CHN2: variants seen among roughly 807,000 people sequenced by gnomAD.
CHN2 encodes beta-chimaerin.
CHN2 carries 35 observed loss-of-function variants against 56.3 expected under a neutral mutation model. The ratio of observed to expected loss-of-function variants is 0.62; its 90% CI spans 0.47 to 0.82. The LOEUF is 0.82. CHN2 is among the 40% of genes least tolerant of loss of function. CHN2 has a pLI of 0.00. For missense variants in CHN2, 491 were observed against 580.5 expected (o/e 0.85, Z 1.58); for synonymous variants, 210 against 212.8 (o/e 0.99, Z 0.12).
At chr7:29,177,440 G>A (rs564801566) in intron 2 of CHN2, among the ~76,000 whole-genome samples, 6 of 152,108 alleles carry the variant, frequency 3.9e-5, no homozygotes, top group African/African-American at 1.4e-4. Context: ...TTTTAGTAGA[G>A]ATGGGGTTTC....
intron 2 of CHN2, among the ~76,000 whole-genome samples, chr7:29,158,519 AGTCTTTATGTGATAATATTGATACTT>A (rs1007030418): frequency 1.0e-3 from 38 of 36,758 alleles, no homozygotes; most frequent in Non-Finnish European, 2.2e-3. Context: ...TGTGTAGCCT[AGTCTTTATGTGATAATATTGATACTT>A]AAGTTTACCA....
At chr7:29,160,263 C>T (rs1352502988) in intron 2 of CHN2, among the ~76,000 whole-genome samples, 2 of 152,214 alleles carry the variant, frequency 1.3e-5, no homozygotes, top group Non-Finnish European at 2.9e-5. Context: ...CGGTGACAGA[C>T]ATGAGCAGTA....
At chr7:29,469,827 T>G (rs1428434786) in intron 6 of CHN2, among the ~76,000 whole-genome samples, 2 of 152,248 alleles carry the variant, frequency 1.3e-5, no homozygotes, top group East Asian at 1.9e-4. Flanking sequence ...TTAGAGTGGT[T>G]GTTCCCTGTT....
chr7:29,287,954 A>G (rs919364899), intron 1 of CHN2, among the ~76,000 whole-genome samples: 1 of 152,224 alleles, frequency 6.6e-6, no homozygotes, highest in Admixed American at 6.5e-5. Flanking sequence ...GCATGTCACA[A>G]TTATTTAAGG....
rs940302676 is a variant in CHN2, at chr7:29,394,922, A to T, written c.176+1212A>T. Among the ~76,000 whole-genome samples, 7 of 152,206 alleles carry T rather than the reference A, an allele frequency of 4.6e-5. No homozygotes were observed. The South Asian group carries it at 1.4e-3, about 31-fold the overall frequency. ...AAAACATATGAGAGTCTTGAGACTAAAGAAGTGTTTTCTTAACTACCAAAA... is the reference window on the plus strand; with the variant it reads ...AAAACATATGAGAGTCTTGAGACTATAGAAGTGTTTTCTTAACTACCAAAA... On this transcript the variant is annotated intron_variant, in intron 4 of 12. Transcript: ENST00000222792.
chr7:29,197,793 T>C (rs1412209494), intron 1 of CHN2: 1 of 383,580 alleles, frequency 2.6e-6, no homozygotes, highest in Admixed American at 3.2e-5. Flanking sequence ...GCAACCTCTA[T>C]TCCAGTTTGA....
intron 2 of CHN2, among the ~76,000 whole-genome samples, chr7:29,169,462 G>A (rs1258051597): frequency 6.6e-6 from 1 of 151,820 alleles, no homozygotes; most frequent in Non-Finnish European, 1.5e-5. Context: ...TTATATAAAT[G>A]TTTATATACA....
chr7:29,264,353 C>A (rs1220814414), intron 1 of CHN2, among the ~76,000 whole-genome samples: 1 of 152,078 alleles, frequency 6.6e-6, no homozygotes, highest in Non-Finnish European at 1.5e-5. Flanking sequence ...ATGACAATGG[C>A]GGTTTTGTGG....
At chr7:29,511,803 TAAAGTTGTG>T (rs1328823732) in intron 12 of CHN2, among the ~76,000 whole-genome samples, 1 of 150,202 alleles carries the variant, frequency 6.7e-6, no homozygotes, top group Non-Finnish European at 1.5e-5. Context: ...TTCTAAAACT[TAAAGTTGTG>T]AAAACAAAAC....
chr7:29,212,932 A>T (rs1785065332), intron 1 of CHN2: 2 of 1,610,272 alleles, frequency 1.2e-6, no homozygotes, highest in African/African-American at 2.7e-5. Flanking sequence ...CCAGACCCAG[A>T]ACATCTAGTG....
chr7:29,507,108 A>G (rs753169778), intron 10 of CHN2, 120 bp from the exon 11 acceptor site: 10 of 879,164 alleles, frequency 1.1e-5, no homozygotes, highest in Non-Finnish European at 1.5e-5. Flanking sequence ...AGAAGCCAAA[A>G]GAGTTAGCTG....
intron 1 of CHN2, among the ~76,000 whole-genome samples, chr7:29,309,713 G>C (rs1794442876): frequency 1.3e-5 from 2 of 152,202 alleles, no homozygotes; most frequent in African/African-American, 4.8e-5. Context: ...GGAGCTGATG[G>C]GAATAGGTTC....
chr7:29,448,694 TCTC>T (rs1388216576), intron 6 of CHN2, among the ~76,000 whole-genome samples: 4 of 152,216 alleles, frequency 2.6e-5, no homozygotes, highest in African/African-American at 9.7e-5. Context: ...CCTGAAATAT[TCTC>T]CTGGGCTTTT....
upstream of CHN2, chr7:29,194,464 G>A (rs1373315443): frequency 6.4e-6 from 1 of 155,664 alleles, no homozygotes; most frequent in South Asian, 2.0e-4. Context: ...GAAGGGGGAG[G>A]TCGCTCTGTC....
At position 29,442,934 on chromosome 7, in the gene CHN2, C is replaced by CTTTTTTTTTTT. The variant is rs541792526; in HGVS notation, c.577-37338_577-37328dup. On this transcript the variant is annotated intron_variant, in intron 6 of 12. Transcript: ENST00000222792. ...CATCGCTTTCAATTTCATTGAATTT[C>CTTTTTTTTTTT]TTTTTTTTTTTTTTTTTGAGACGGA... is the stretch of plus-strand genomic sequence containing the variant. Among the ~76,000 whole-genome samples, 87 of 103,052 alleles carry CTTTTTTTTTTT rather than the reference C, an allele frequency of 8.4e-4. 12 individuals carry two copies. The highest frequency in any genetic ancestry group is 3.9e-3 in the East Asian group (14 of 3,586). The allele number at this position is 103,052 out of a possible 152,430, so 67.6% of individuals were successfully genotyped here.
At chr7:29,204,067 CTGTGTGTGTG>C (rs55930139) in intron 1 of CHN2, among the ~76,000 whole-genome samples, 4,052 of 128,796 alleles carry the variant, frequency 0.031, 67 homozygotes, top group African/African-American at 0.052. Flanking sequence ...TTCTCTCTCT[CTGTGTGTGTG>C]TGTGTGTGTG....
upstream of CHN2, chr7:29,192,286 A>AC (rs1287237091): frequency 2.0e-5 from 3 of 152,006 alleles, no homozygotes; most frequent in East Asian, 1.9e-4. Flanking sequence ...CACAGCAAAT[A>AC]CCCCCGTCCC....
At chr7:29,460,227 T>C (rs1785058526) in intron 6 of CHN2, among the ~76,000 whole-genome samples, 1 of 152,144 alleles carries the variant, frequency 6.6e-6, no homozygotes, top group African/African-American at 2.4e-5. Context: ...GGCCAGATAA[T>C]TCCTAGGTCC....
At position 29,354,636 on chromosome 7, in the gene CHN2, T is replaced by C. The variant is rs1221525323; in HGVS notation, c.61T>C (p.Tyr21His). The stretch of plus-strand genomic sequence containing the variant: ...TTTTTTCATTCTAGATGCTGAAGAA[T>C]ACCAGCCTCCTATATGGAAATCATA... ...GSSVSSDAEEYQPPIWKSYLY... is the reference protein window; with the variant it reads ...GSSVSSDAEEHQPPIWKSYLY... Residue 21 changes from tyrosine (Y) to histidine (H), a missense_variant, in exon 2 of 13, where the codon TAC becomes CAC. By Grantham distance (83) the Tyr-to-His change is moderately conservative. Coordinates refer to ENST00000222792, the MANE Select transcript of CHN2 (RefSeq NM_004067.4). 1 of 1,609,696 alleles carries C rather than the reference T, an allele frequency of 6.2e-7. No individual in the cohort carries two copies. The highest frequency in any genetic ancestry group is 8.5e-7 in the Non-Finnish European group (1 of 1,178,356).
Sources: gnomAD v4.1 joint callset for allele counts (sites outside exome capture counted in the v4.1 genomes callset) on GRCh38, gnomAD v4.1.1 for gene constraint, MANE v1.5 for transcripts, NCBI Gene and HGNC (gene_info 2026-07-23, HGNC 2026-07-21) for gene names.